Variants in TTC7B observed in about 807,000 individuals in gnomAD.
The protein encoded by TTC7B is tetratricopeptide repeat protein 7B.
In TTC7B, 28 loss-of-function variants were observed where a neutral mutation model predicts 106.8. That is an observed-to-expected ratio of 0.26 (90% CI 0.19 to 0.36). The LOEUF (loss-of-function observed/expected upper bound fraction) is 0.36, where lower values mean the gene tolerates loss of function less well. TTC7B is among the 10% of genes least tolerant of loss of function. TTC7B has a pLI of 1.00. For missense variants in TTC7B, 862 were observed against 1,076.4 expected (o/e 0.80, Z 2.79); for synonymous variants, 405 against 430.6 (o/e 0.94, Z 0.74).
chr14:90,685,684 C>CA (rs1248635596), intron 7 of TTC7B, among the ~76,000 whole-genome samples: 3 of 151,792 alleles, frequency 2.0e-5, no homozygotes, highest in Non-Finnish European at 4.4e-5. Context: ...TGTAGAAATA[C>CA]AAAAAAATTA....
chr14:90,607,612 G>A (rs1595200822), intron 17 of TTC7B, among the ~76,000 whole-genome samples: 1 of 152,350 alleles, frequency 6.6e-6, no homozygotes, highest in East Asian at 1.9e-4. Context: ...AGTCAGCCAG[G>A]CTCTTTTAGC....
chr14:90,599,934 G>GA (rs997038156), intron 17 of TTC7B, among the ~76,000 whole-genome samples: 9 of 150,304 alleles, frequency 6.0e-5, no homozygotes, highest in Admixed American at 2.0e-4. Flanking sequence ...TTCTTAACAG[G>GA]AAAAAAAAAA....
intron 3 of TTC7B, among the ~76,000 whole-genome samples, chr14:90,752,069 G>T (rs1890155125): frequency 6.6e-6 from 1 of 152,200 alleles, no homozygotes; most frequent in Non-Finnish European, 1.5e-5. Context: ...ACATCACACG[G>T]GGAGGGGTGC....
chr14:90,638,521 A>G (rs941462391), intron 15 of TTC7B, among the ~76,000 whole-genome samples: 5 of 152,322 alleles, frequency 3.3e-5, no homozygotes, highest in African/African-American at 1.2e-4. Flanking sequence ...GGTAACTAGA[A>G]ATAAGTCTAG....
chr14:90,577,508 G>A lies in TTC7B; in HGVS notation c.2310+598C>T, dbSNP rs747637803. On this transcript the variant is annotated intron_variant, in intron 19 of 19. Coordinates refer to ENST00000328459, the MANE Select transcript of TTC7B (RefSeq NM_001010854.2). This position sits in a 1 kb window ranked among gnomAD's most constrained non-coding sequence, Gnocchi z 5.0. ...TTGGCCCAGGCTGTAGACGAAGGAT[G>A]TGCACTCGTTGAGCGCCGCCACACC... 6.6e-6 allele frequency among the ~76,000 whole-genome samples: 1 copy of A among 152,198 alleles called. No individual in the cohort carries two copies. The highest frequency in any genetic ancestry group is 2.4e-5 in the African/African-American group (1 of 41,448).
intron 18 of TTC7B, among the ~76,000 whole-genome samples, chr14:90,589,703 C>T (rs577836126): frequency 6.6e-6 from 1 of 152,126 alleles, no homozygotes; most frequent in Admixed American, 6.5e-5. Context: ...AAGGTAAAAC[C>T]CGACAGTGCG....
At chr14:90,761,207 G>T (rs906229554) in intron 3 of TTC7B, among the ~76,000 whole-genome samples, 6 of 152,008 alleles carry the variant, frequency 3.9e-5, no homozygotes, top group African/African-American at 1.5e-4. Context: ...GATGAGAGAA[G>T]CCTGAATTCT....
chr14:90,794,207 A>ACTTTTTTTTTTTTTTTTTTT (rs1566891563), intron 1 of TTC7B, among the ~76,000 whole-genome samples: 1 of 130,618 alleles, frequency 7.7e-6, no homozygotes, highest in Non-Finnish European at 1.5e-5. Flanking sequence ...CTGGCTGGGT[A>ACTTTTTTTTTTTTTTTTTTT]TTTCTTTTTT....
chr14:90,751,520 T>C (rs987974540), intron 3 of TTC7B, among the ~76,000 whole-genome samples: 1 of 152,310 alleles, frequency 6.6e-6, no homozygotes, highest in South Asian at 2.1e-4. Context: ...CTCAGCCTCC[T>C]GAGTAGCTGG....
rs1890340023 is a variant in TTC7B, at chr14:90,757,443, C to T, written c.446-12521G>A. Among the ~76,000 whole-genome samples, 1 of 151,426 alleles carries T rather than the reference C, an allele frequency of 6.6e-6. No homozygotes were observed. Among genetic ancestry groups the T allele is most frequent in the East Asian group, 1.9e-4 (1 of 5,150 alleles). On this transcript the variant is annotated intron_variant, in intron 3 of 19. Transcript: ENST00000328459. This position sits in a 1 kb window ranked among gnomAD's most constrained non-coding sequence, Gnocchi z 4.1. ...TGGGTGACAGGGCAGGACCCTGTCT[C>T]TAAAAAAAGAAAGAAAGAAAAGAAA... is the stretch of plus-strand genomic sequence containing the variant.
At chr14:90,813,323 T>A (rs2031004869) in intron 1 of TTC7B, among the ~76,000 whole-genome samples, 1 of 152,186 alleles carries the variant, frequency 6.6e-6, no homozygotes, top group African/African-American at 2.4e-5. Flanking sequence ...TGATTATCTG[T>A]CTCCCTGCCC....
At chr14:90,714,539 C>T (rs1274857654) in intron 5 of TTC7B, among the ~76,000 whole-genome samples, 1 of 151,612 alleles carries the variant, frequency 6.6e-6, no homozygotes, top group East Asian at 1.9e-4. Context: ...TCACTGCAAC[C>T]TCTACCTCCC....
chr14:90,619,602 G>A (rs924109727), intron 15 of TTC7B, among the ~76,000 whole-genome samples: 8 of 152,204 alleles, frequency 5.3e-5, no homozygotes, highest in Admixed American at 2.0e-4. Context: ...CCTGCTGACC[G>A]AAGGCATCCC....
At chr14:90,747,158 G>A (rs1889991947) in intron 3 of TTC7B, among the ~76,000 whole-genome samples, 1 of 152,194 alleles carries the variant, frequency 6.6e-6, no homozygotes, top group Non-Finnish European at 1.5e-5. Context: ...TAACATGGGT[G>A]CTCCATGCCT....
chr14:90,706,982 A>C (rs776876095), intron 5 of TTC7B, among the ~76,000 whole-genome samples: 19 of 152,242 alleles, frequency 1.2e-4, no homozygotes, highest in Non-Finnish European at 2.6e-4. Flanking sequence ...GATATTTCCA[A>C]TTTGATTATT....
chr14:90,598,560 G>A (rs1391784410), intron 17 of TTC7B, among the ~76,000 whole-genome samples: 1 of 152,148 alleles, frequency 6.6e-6, no homozygotes, highest in Admixed American at 6.5e-5. Flanking sequence ...AGGAACCAAG[G>A]CCACTGATCT....
intron 15 of TTC7B, among the ~76,000 whole-genome samples, chr14:90,632,680 G>A (rs747938115): frequency 2.0e-5 from 3 of 152,274 alleles, no homozygotes; most frequent in Non-Finnish European, 2.9e-5. Context: ...TCGTGGTTAC[G>A]AGCACAGATG....
intron 3 of TTC7B, among the ~76,000 whole-genome samples, chr14:90,745,811 T>A (rs1352383903): frequency 6.6e-6 from 1 of 151,786 alleles, no homozygotes; most frequent in African/African-American, 2.4e-5. Context: ...TTCAAGAGAT[T>A]CTTCTGTCTC....
intron 5 of TTC7B, among the ~76,000 whole-genome samples, chr14:90,715,373 C>T (rs963784852): frequency 6.6e-6 from 1 of 152,170 alleles, no homozygotes; most frequent in African/African-American, 2.4e-5. Flanking sequence ...AACTACGCTG[C>T]CACTGGTGCT....
Sources: gnomAD v4.1 joint callset for allele counts (sites outside exome capture counted in the v4.1 genomes callset) on GRCh38, gnomAD v4.1.1 for gene constraint, Gnocchi (gnomAD v3.1) non-coding constraint, MANE v1.5 for transcripts, NCBI Gene and HGNC (gene_info 2026-07-23, HGNC 2026-07-21) for gene names.